The following MAP3K13 variants were observed in gnomAD, a reference collection of about 807,000 sequenced individuals.
MAP3K13 encodes mitogen-activated protein kinase kinase kinase 13.
Under a neutral mutation model 104.0 loss-of-function variants are expected in MAP3K13, and 52 were observed. That is an observed-to-expected ratio of 0.50 (90% CI 0.40 to 0.63). MAP3K13 has a LOEUF of 0.63. Ranked by LOEUF, MAP3K13 falls within the 20% of genes least tolerant of loss-of-function variation. MAP3K13 has a pLI of 0.00. For missense variants in MAP3K13, 914 were observed against 1,218.5 expected (o/e 0.75, Z 3.72); for synonymous variants, 394 against 442.2 (o/e 0.89, Z 1.37).
rs1459407157 is a variant in MAP3K13 at position 185,485,266 on chromosome 3, T to C, written c.*2810T>C. 1.3e-5 allele frequency: 2 copies of C among 152,160 alleles called. No homozygotes were observed. Among genetic ancestry groups the C allele is most frequent in the Non-Finnish European group, 2.9e-5 (2 of 68,032 alleles). The allele number at this position is 152,160 out of a possible 1,614,324, so 9.4% of individuals were successfully genotyped here. ...CAAGAATTGACAACATAGTTTGCAA[T>C]CTCCTTCCTGCCAGACCCCTTTGTT... On this transcript the variant is annotated 3_prime_UTR_variant, in exon 14 of 14. Coordinates refer to ENST00000265026, the MANE Select transcript of MAP3K13 (RefSeq NM_004721.5).
At chr3:185,420,781 A>G (rs979252449) in intron 1 of MAP3K13, among the ~76,000 whole-genome samples, 1 of 152,232 alleles carries the variant, frequency 6.6e-6, no homozygotes, top group East Asian at 1.9e-4. Flanking sequence ...AATTAGTAAC[A>G]TGGGAAAAAT....
chr3:185,292,459 G>A (rs1187758148), intron 2 of MAP3K13: 1 of 165,544 alleles, frequency 6.0e-6, no homozygotes, highest in African/African-American at 2.4e-5. Flanking sequence ...CTTCGTACTA[G>A]GTATATGGTA....
chr3:185,335,055 A>T (rs1722432174), intron 2 of MAP3K13, among the ~76,000 whole-genome samples: 1 of 152,064 alleles, frequency 6.6e-6, no homozygotes, highest in African/African-American at 2.4e-5. Flanking sequence ...AAAAACAGCA[A>T]TCTTGGGTTA....
chr3:185,327,546 A>G (rs1722081652), intron 2 of MAP3K13, among the ~76,000 whole-genome samples: 1 of 152,204 alleles, frequency 6.6e-6, no homozygotes, highest in African/African-American at 2.4e-5. Context: ...CTGGGAGAGA[A>G]TAAAATAATG....
At chr3:185,429,118 C>T in intron 2 of MAP3K13, 62 bp downstream of exon 2, 1 of 1,475,452 alleles carries the variant, frequency 6.8e-7, no homozygotes, top group South Asian at 1.3e-5. Flanking sequence ...CCACCACCGT[C>T]ACCACCATTA....
intron 2 of MAP3K13, among the ~76,000 whole-genome samples, chr3:185,345,023 C>T (rs1722865582): frequency 6.6e-6 from 1 of 151,998 alleles, no homozygotes; most frequent in African/African-American, 2.4e-5. Flanking sequence ...CCACCATGCC[C>T]AGCTAATTTT....
rs115597355 is a variant in MAP3K13, at chr3:185,337,213, C to T, written c.-86+51570C>T. On this transcript the variant is annotated intron_variant, in intron 2 of 14. Transcript: ENST00000424227. Reference sequence around the variant, plus strand: ...AGCCATCGCAGCCGGCCTAATGACTCGGTCTTTAATGCCATGTTGTGAGAT... The same window carrying T: ...AGCCATCGCAGCCGGCCTAATGACTTGGTCTTTAATGCCATGTTGTGAGAT... Among the ~76,000 whole-genome samples the T allele has an allele frequency of 3.1e-3, 479 of 152,188 alleles. 2 individuals carry two copies. Among genetic ancestry groups the T allele is most frequent in the African/African-American group, 7.2e-3 (298 of 41,488 alleles).
At chr3:185,434,563 T>C (rs1444281821) in intron 2 of MAP3K13, among the ~76,000 whole-genome samples, 1 of 152,132 alleles carries the variant, frequency 6.6e-6, no homozygotes, top group Non-Finnish European at 1.5e-5. Context: ...AGAACAACTA[T>C]TAGAACTTAT....
chr3:185,477,694 T>C (rs1417281730), intron 12 of MAP3K13, among the ~76,000 whole-genome samples: 3 of 152,220 alleles, frequency 2.0e-5, no homozygotes, highest in Admixed American at 2.0e-4. Context: ...TGCTGTTTTA[T>C]GGGTAATTGT....
At chr3:185,468,223 C>T (rs142338025) in intron 10 of MAP3K13, among the ~76,000 whole-genome samples, 2 of 152,010 alleles carry the variant, frequency 1.3e-5, no homozygotes, top group African/African-American at 4.8e-5. Flanking sequence ...AAAAGCAGGG[C>T]CTTTGATAAT....
At chr3:185,462,355 T>C (rs1717155969) in intron 7 of MAP3K13, among the ~76,000 whole-genome samples, 1 of 152,202 alleles carries the variant, frequency 6.6e-6, no homozygotes, top group South Asian at 2.1e-4. Flanking sequence ...GGGAGAGTGA[T>C]AATTTCATGG....
At chr3:185,388,070 A>C (rs1711800610) in intron 1 of MAP3K13, among the ~76,000 whole-genome samples, 1 of 152,038 alleles carries the variant, frequency 6.6e-6, no homozygotes, top group African/African-American at 2.4e-5. Context: ...ATATATACCA[A>C]CAACAAACTA....
intron 2 of MAP3K13, among the ~76,000 whole-genome samples, chr3:185,294,275 T>C (rs770681047): frequency 3.9e-5 from 6 of 152,234 alleles, no homozygotes; most frequent in Non-Finnish European, 7.3e-5. Flanking sequence ...TCTTTGATGA[T>C]AGCATTGGTT....
intron 1 of MAP3K13, among the ~76,000 whole-genome samples, chr3:185,378,353 G>A (rs1724537685): frequency 1.3e-5 from 2 of 152,110 alleles, no homozygotes; most frequent in South Asian, 4.2e-4. Flanking sequence ...ACTGGGCTGG[G>A]TTTTTATATT....
Position 185,346,631 on chromosome 3 carries a change from G to A in MAP3K13, c.-86+60988G>A, listed in dbSNP as rs989602441. Among the ~76,000 whole-genome samples, 13 of 152,200 alleles carry A rather than the reference G, an allele frequency of 8.5e-5. No individual in the cohort carries two copies. The South Asian group carries it at 1.5e-3, about 17-fold the overall frequency. ...GTGATGAAGTCCTTGTAGCTAGATCGTTTTGCAAAGTACTGATTATTTATT... is the reference window on the plus strand; with the variant it reads ...GTGATGAAGTCCTTGTAGCTAGATCATTTTGCAAAGTACTGATTATTTATT... On this transcript the variant is annotated intron_variant, in intron 2 of 14. Coordinates refer to the MAP3K13 transcript ENST00000424227.
At chr3:185,451,170 G>T (rs1715859793) in intron 6 of MAP3K13, 117 bp from the exon 7 acceptor site, 2 of 641,360 alleles carry the variant, frequency 3.1e-6, no homozygotes, top group Non-Finnish European at 2.8e-6. Context: ...GAGTACAGCT[G>T]GTTTTACTCA....
chr3:185,307,538 A>ACCCCC (rs763754758), intron 2 of MAP3K13, among the ~76,000 whole-genome samples: 7 of 40,258 alleles, frequency 1.7e-4, no homozygotes, highest in East Asian at 6.8e-4. Flanking sequence ...CATTTGGTGC[A>ACCCCC]CCACCCCCTC....
Position 185,480,248 on chromosome 3 carries a change from A to G in MAP3K13, c.2518A>G (p.Ser840Gly), listed in dbSNP as rs1374039394. The change falls in exon 13 of 14, where the codon AGC becomes GGC. Residue 840 changes from serine (S) to glycine (G), a missense_variant. Transcript: ENST00000265026. Reference protein sequence around the residue: ...PRRQRPHRCISSCQSYSTFSS... With the variant: ...PRRQRPHRCIGSCQSYSTFSS... ...TGGTTCTAGGCCCCATCGCTGTATC[A>G]GCAGCTGCCAGTCATATTCAACCTT... is the stretch of plus-strand genomic sequence containing the variant. 88 of 1,614,062 alleles carry G rather than the reference A, an allele frequency of 5.5e-5. No homozygotes were observed. Among genetic ancestry groups the G allele is most frequent in the Non-Finnish European group, 7.3e-5 (86 of 1,179,972 alleles).
At chr3:185,400,905 G>GTTTTTT (rs71164506) in intron 1 of MAP3K13, among the ~76,000 whole-genome samples, 90 of 107,244 alleles carry the variant, frequency 8.4e-4, no homozygotes, top group East Asian at 1.6e-3. Flanking sequence ...GTGTTTGTTT[G>GTTTTTT]TTTTTTTTTT....
Sources: allele counts gnomAD v4.1 joint callset (sites outside exome capture counted in the v4.1 genomes callset), GRCh38; gene constraint gnomAD v4.1.1; transcripts MANE v1.5; gene names NCBI Gene and HGNC (gene_info 2026-07-23, HGNC 2026-07-21).